CNIH3: variants seen among roughly 807,000 people sequenced by gnomAD.
CNIH3 encodes cornichon family AMPA receptor auxiliary protein 3.
In CNIH3, 14 loss-of-function variants were observed where a neutral mutation model predicts 24.1. The ratio of observed to expected loss-of-function variants is 0.58; its 90% confidence interval spans 0.38 to 0.91. The LOEUF is 0.91. Among genes scored for constraint, CNIH3 ranks in the 40% least tolerant of loss-of-function variants. CNIH3 has a pLI of 0.00. For synonymous variants in CNIH3, 68 were observed against 73.8 expected (o/e 0.92, Z 0.40); for missense variants, 178 against 196.8 (o/e 0.90, Z 0.57).
chr1:224,515,028 G>A (rs1307315401), upstream of CNIH3, among the ~76,000 whole-genome samples: 19 of 152,220 alleles, frequency 1.2e-4, no homozygotes, highest in Admixed American at 1.2e-3. Flanking sequence ...CCATGACTAG[G>A]AAGGAACAGT....
At chr1:224,543,161 G>T (rs142300980) in intron 2 of CNIH3, among the ~76,000 whole-genome samples, 4 of 152,144 alleles carry the variant, frequency 2.6e-5, no homozygotes, top group Non-Finnish European at 4.4e-5. Context: ...ATTGAAACAT[G>T]CCTGGGTAAC....
chr1:224,738,144 T>G (rs1422209122), intron 5 of CNIH3, among the ~76,000 whole-genome samples: 2 of 152,244 alleles, frequency 1.3e-5, no homozygotes, highest in African/African-American at 4.8e-5. Flanking sequence ...TGGCACTCAC[T>G]GAATCCTCGT....
chr1:224,672,456 T>C (rs912568534), intron 1 of CNIH3, among the ~76,000 whole-genome samples: 10 of 152,198 alleles, frequency 6.6e-5, no homozygotes, highest in Admixed American at 3.3e-4. Flanking sequence ...GAATTTATTC[T>C]CTCAAAGTTC....
intron 1 of CNIH3, among the ~76,000 whole-genome samples, chr1:224,618,985 G>C (rs570366189): frequency 2.6e-5 from 4 of 152,336 alleles, no homozygotes; most frequent in Admixed American, 1.3e-4. Context: ...GTGCTTTAAA[G>C]GAACTTTCTC....
intron 3 of CNIH3, among the ~76,000 whole-genome samples, chr1:224,702,490 G>A (rs1018722711): frequency 4.6e-5 from 7 of 152,200 alleles, no homozygotes; most frequent in Admixed American, 6.5e-5. Flanking sequence ...CCACACCAGC[G>A]TCACCATGAC....
intron 3 of CNIH3, among the ~76,000 whole-genome samples, chr1:224,599,099 T>C (rs1682104383): frequency 6.6e-6 from 1 of 152,194 alleles, no homozygotes; most frequent in South Asian, 2.1e-4. Context: ...CATGCAGCAA[T>C]AGATAACTGC....
At chr1:224,597,462 TATTAAA>T (rs1289859615) in intron 3 of CNIH3, among the ~76,000 whole-genome samples, 1 of 152,204 alleles carries the variant, frequency 6.6e-6, no homozygotes, top group Non-Finnish European at 1.5e-5. Flanking sequence ...AGTCTATTAA[TATTAAA>T]TCATCCTCTT....
intron 1 of CNIH3, among the ~76,000 whole-genome samples, chr1:224,477,446 A>G (rs1398987842): frequency 6.6e-6 from 1 of 152,230 alleles, no homozygotes; most frequent in Non-Finnish European, 1.5e-5. Flanking sequence ...TAGATGGAGT[A>G]ACTGAAATGC....
chr1:224,690,688 T>C (rs1385455585), intron 3 of CNIH3, among the ~76,000 whole-genome samples: 10 of 152,196 alleles, frequency 6.6e-5, no homozygotes, highest in Non-Finnish European at 8.8e-5. Context: ...TTCCCTGACA[T>C]TTGTGAATAT....
chr1:224,449,787 C>A (rs901883556), intron 1 of CNIH3, among the ~76,000 whole-genome samples: 1 of 152,190 alleles, frequency 6.6e-6, no homozygotes, highest in African/African-American at 2.4e-5. Context: ...TGCATGGCTT[C>A]TTAAGAACTG....
intron 1 of CNIH3, among the ~76,000 whole-genome samples, chr1:224,475,355 C>CAAAA (rs35377680): frequency 7.7e-6 from 1 of 129,592 alleles, no homozygotes; most frequent in South Asian, 2.5e-4. Context: ...GACTCCATCT[C>CAAAA]AAAAAAAAAA....
intron 1 of CNIH3, among the ~76,000 whole-genome samples, chr1:224,503,715 G>A (rs534982964): frequency 2.8e-4 from 43 of 152,366 alleles, no homozygotes; most frequent in Non-Finnish European, 3.4e-4. Context: ...GGCAGCAGGC[G>A]ACTTCCCTAT....
intron 1 of CNIH3, among the ~76,000 whole-genome samples, chr1:224,453,837 G>A (rs2102969958): frequency 6.6e-6 from 1 of 152,136 alleles, no homozygotes; most frequent in African/African-American, 2.4e-5. Flanking sequence ...ATAGCATTGA[G>A]GGGAGAAGAA....
intron 3 of CNIH3, among the ~76,000 whole-genome samples, chr1:224,603,699 A>T (rs1238486895): frequency 6.6e-6 from 1 of 152,198 alleles, no homozygotes; most frequent in Non-Finnish European, 1.5e-5. Flanking sequence ...AAATAATAAA[A>T]TTATTTTGTA....
At chr1:224,683,379 T>C (rs1172044161) in intron 2 of CNIH3, among the ~76,000 whole-genome samples, 1 of 152,210 alleles carries the variant, frequency 6.6e-6, no homozygotes, top group African/African-American at 2.4e-5. Flanking sequence ...TCCCAGTTCT[T>C]ATGCTGTTAC....
At chr1:224,619,179 A>G (rs1683167050) in intron 1 of CNIH3, among the ~76,000 whole-genome samples, 1 of 152,246 alleles carries the variant, frequency 6.6e-6, no homozygotes, top group Admixed American at 6.5e-5. Context: ...CAGAGCAAGT[A>G]ACCAGAAAGA....
intron 3 of CNIH3, among the ~76,000 whole-genome samples, chr1:224,702,064 G>A (rs1687522385): frequency 6.6e-6 from 1 of 151,136 alleles, no homozygotes; most frequent in African/African-American, 2.4e-5. Flanking sequence ...ACAAATACAT[G>A]TATGCACAGA....
At chr1:224,503,531 G>A (rs1437266841) in intron 1 of CNIH3, among the ~76,000 whole-genome samples, 4 of 152,236 alleles carry the variant, frequency 2.6e-5, no homozygotes, top group Non-Finnish European at 5.9e-5. Flanking sequence ...TCCCAGAGCC[G>A]AGGTGACAGC....
chr1:224,636,993 C>T (rs1022049000), intron 1 of CNIH3, among the ~76,000 whole-genome samples: 8 of 150,270 alleles, frequency 5.3e-5, no homozygotes, highest in African/African-American at 2.0e-4. Flanking sequence ...GCATGGTCAC[C>T]TGGGCTGGAG....
Sources: gnomAD v4.1 joint callset for allele counts (sites outside exome capture counted in the v4.1 genomes callset) on GRCh38, gnomAD v4.1.1 for gene constraint, MANE v1.5 for transcripts, NCBI Gene and HGNC (gene_info 2026-07-23, HGNC 2026-07-21) for gene names.